The following XRRA1 variants were observed in gnomAD, a reference collection of about 807,000 sequenced individuals.
The protein encoded by XRRA1 is X-ray radiation resistance associated 1.
A neutral mutation model predicts 80.2 loss-of-function variants in XRRA1; 69 were observed. That is an observed-to-expected ratio of 0.86 (90% CI 0.71 to 1.05). XRRA1 has a LOEUF of 1.05. XRRA1 is among the 50% of genes least tolerant of loss of function. XRRA1 has a pLI of 0.00. For synonymous variants in XRRA1, 348 were observed against 389.9 expected, an observed-to-expected ratio of 0.89 and a Z score of 1.27; for missense variants, 967 against 976.4, an observed-to-expected ratio of 0.99 and a Z score of 0.13.
chr11:74,865,205 A>C (rs1358629954), intron 10 of XRRA1, among the ~76,000 whole-genome samples: 1 of 144,636 alleles, frequency 6.9e-6, no homozygotes, highest in Admixed American at 6.8e-5. Context: ...TCTCATCTGC[A>C]TAGGGACTTG....
rs2040408218 is a variant in XRRA1, at chr11:74,853,614, G to C, written c.1171-1532C>G. Among the ~76,000 whole-genome samples, 5 of 152,336 alleles carry C rather than the reference G, an allele frequency of 3.3e-5. No individual in the cohort carries two copies. In the South Asian group the frequency reaches 1.0e-3, roughly 32 times the overall value. On this transcript the variant is annotated intron_variant, in intron 12 of 18. Coordinates refer to ENST00000684022, the MANE Select transcript of XRRA1 (RefSeq NM_001378157.1). ...GGCATCTGGGTCTCTGAATGATCAT[G>C]TGGAAGGCCACCTGCCAACCAGGAA...
At chr11:74,909,074 TC>T (rs375932624) in intron 8 of XRRA1, among the ~76,000 whole-genome samples, 3 of 151,892 alleles carry the variant, frequency 2.0e-5, no homozygotes, top group Admixed American at 1.3e-4. Context: ...TACAATCAAT[TC>T]CCCCCTGCCT....
At chr11:74,933,987 G>GTTCA (rs60527965) in intron 4 of XRRA1, 115 bp from the exon 5 acceptor site, 222,892 of 655,164 alleles carry the variant, frequency 0.34, 45,656 homozygotes, top group African/African-American at 0.49. Context: ...TTGTTTGCTT[G>GTTCA]TTCATTCATT....
chr11:74,904,912 CCAGAAATG>C (rs1442362742), intron 10 of XRRA1, among the ~76,000 whole-genome samples: 1 of 138,566 alleles, frequency 7.2e-6, no homozygotes, highest in Non-Finnish European at 1.6e-5. Flanking sequence ...AAAAAAAAAG[CCAGAAATG>C]CAAGGAGATA....
rs1167682010 is a variant in XRRA1, at chr11:74,907,326, C to G, written c.657-53G>C. 5 of 1,604,856 alleles carry G rather than the reference C, an allele frequency of 3.1e-6. No individual in the cohort carries two copies. In the East Asian group the frequency reaches 1.1e-4, roughly 36 times the overall value. Reference sequence around the variant, plus strand: ...AGCAAGGTCGAGGGACAAATTCCACCATTCCCAGGAAGCCATGGAGGACAG... The same window carrying G: ...AGCAAGGTCGAGGGACAAATTCCACGATTCCCAGGAAGCCATGGAGGACAG... On this transcript the variant is annotated intron_variant, in intron 8 of 18. Transcript: ENST00000684022.
At chr11:74,843,706 G>A in intron 18 of XRRA1, 148 bp downstream of exon 18, 1 of 833,418 alleles carries the variant, frequency 1.2e-6, no homozygotes, top group Non-Finnish European at 1.9e-6. Flanking sequence ...CCTCACGCTG[G>A]CTCTCCTTTT....
intron 11 of XRRA1, among the ~76,000 whole-genome samples, chr11:74,862,002 A>G (rs76124370): frequency 0.024 from 3,637 of 152,360 alleles, 122 homozygotes; most frequent in African/African-American, 0.084. Flanking sequence ...GTACAGCAGT[A>G]TAATACGGGG....
chr11:74,869,302 A>T lies in XRRA1; in HGVS notation c.1004-6281T>A, dbSNP rs555844118. 2.6e-5 allele frequency among the ~76,000 whole-genome samples: 4 copies of T among 152,290 alleles called. No homozygotes were observed. In the South Asian group the frequency reaches 8.3e-4, roughly 32 times the overall value. Reference sequence around the variant, plus strand: ...ATATTCTTTGAAACTAAAGGAGAACAAAGAGGCAACATACTGATACAGGAG... The same window carrying T: ...ATATTCTTTGAAACTAAAGGAGAACTAAGAGGCAACATACTGATACAGGAG... On this transcript the variant is annotated intron_variant, in intron 10 of 18. Transcript: ENST00000684022.
Position 74,940,845 on chromosome 11 carries a change from C to G in XRRA1, c.34G>C (p.Gly12Arg), listed in dbSNP as rs759328475. 2.5e-6 allele frequency: 4 copies of G among 1,609,342 alleles called. No homozygotes were observed. The African/African-American group carries it at 5.3e-5, about 22-fold the overall frequency. The part of the protein sequence containing the change: ...AFSGIYKLDD[G>R]KPYLNNCFPA... ...AAGCAGTTGTTCAGGTAAGGCTTCC[C>G]ATCATCCAGCTTGTAGATTCCTGAG... Residue 12 changes from glycine to arginine, a missense_variant, in exon 3 of 19, where the codon GGG becomes CGG. Transcript: ENST00000684022.
intron 10 of XRRA1, among the ~76,000 whole-genome samples, chr11:74,877,861 A>G (rs368201440): frequency 0.05 from 7,531 of 152,022 alleles, 294 homozygotes; most frequent in Non-Finnish European, 0.071. Context: ...CCAGTCTATC[A>G]TTGTTGGACA....
intron 8 of XRRA1, among the ~76,000 whole-genome samples, chr11:74,916,281 G>A (rs1378443675): frequency 6.6e-6 from 1 of 152,026 alleles, no homozygotes; most frequent in Non-Finnish European, 1.5e-5. Flanking sequence ...CTCCTTCTGG[G>A]ACTTTCATAA....
At chr11:74,889,993 G>A (rs1422697955) in intron 10 of XRRA1, among the ~76,000 whole-genome samples, 2 of 152,120 alleles carry the variant, frequency 1.3e-5, no homozygotes, top group South Asian at 2.1e-4. Context: ...ACAGATCAAT[G>A]AGACAGAAAG....
intron 10 of XRRA1, among the ~76,000 whole-genome samples, chr11:74,882,006 G>T (rs2047742853): frequency 7.0e-6 from 1 of 143,292 alleles, no homozygotes; most frequent in African/African-American, 2.6e-5. Context: ...TCTTCTCAAG[G>T]AGTATCTTTG....
intron 10 of XRRA1, among the ~76,000 whole-genome samples, chr11:74,877,148 T>C (rs2046222133): frequency 6.6e-6 from 1 of 152,196 alleles, no homozygotes; most frequent in Admixed American, 6.5e-5. Context: ...ACAGGATTAA[T>C]AATTACAGGA....
intron 2 of XRRA1, among the ~76,000 whole-genome samples, chr11:74,941,884 A>G (rs529833834): frequency 1.8e-4 from 28 of 152,280 alleles, no homozygotes; most frequent in Admixed American, 1.6e-3. Flanking sequence ...AGCAAGACCA[A>G]TTAGAAGTAT....
At chr11:74,925,793 C>A (rs1433740209) in intron 7 of XRRA1, among the ~76,000 whole-genome samples, 1 of 152,122 alleles carries the variant, frequency 6.6e-6, no homozygotes, top group African/African-American at 2.4e-5. Flanking sequence ...CCCACTGGTA[C>A]TTGAAACAGG....
chr11:74,933,921 A>C, intron 4 of XRRA1, 49 bp from the exon 5 acceptor site: 1 of 1,513,688 alleles, frequency 6.6e-7, no homozygotes, highest in Non-Finnish European at 9.0e-7. Context: ...ACAAAGTTTA[A>C]TTAATCTATT....
intron 14 of XRRA1, among the ~76,000 whole-genome samples, chr11:74,849,342 A>G (rs975506864): frequency 1.3e-5 from 2 of 152,176 alleles, no homozygotes; most frequent in Admixed American, 6.5e-5. Context: ...ACCCAATGAA[A>G]TGGTGTGTGC....
chr11:74,884,112 T>G (rs2048427106), intron 10 of XRRA1, among the ~76,000 whole-genome samples: 2 of 152,026 alleles, frequency 1.3e-5, no homozygotes, highest in Admixed American at 1.3e-4. Flanking sequence ...GGCAGGAGAA[T>G]CACTTGAACC....
Sources: allele counts gnomAD v4.1 joint callset (sites outside exome capture counted in the v4.1 genomes callset), GRCh38; gene constraint gnomAD v4.1.1; transcripts MANE v1.5; gene names NCBI Gene and HGNC (gene_info 2026-07-23, HGNC 2026-07-21).